The following FAM234A variants were observed in gnomAD, a reference collection of about 807,000 sequenced individuals.
The protein encoded by FAM234A is family with sequence similarity 234 member A, also known as protein FAM234A.
A neutral mutation model predicts 49.1 loss-of-function variants in FAM234A; 42 were observed. The ratio of observed to expected loss-of-function variants is 0.86; its 90% confidence interval spans 0.67 to 1.11. The LOEUF (loss-of-function observed/expected upper bound fraction) is 1.11. FAM234A is among the 50% of genes least tolerant of loss of function. FAM234A has a pLI of 0.00. For synonymous variants in FAM234A, 369 were observed against 316.2 expected (o/e 1.17, Z -1.77); for missense variants, 815 against 745.2 (o/e 1.09, Z -1.09).
downstream of FAM234A, chr16:269,164 G>A: frequency 1.0e-6 from 1 of 971,958 alleles, no homozygotes; most frequent in Non-Finnish European, 1.6e-6. Context: ...GGACACTGGT[G>A]CTGGGTTCAG....
chr16:239,721 A>T (rs1025849658), intron 1 of FAM234A, among the ~76,000 whole-genome samples: 1 of 152,148 alleles, frequency 6.6e-6, no homozygotes, highest in Non-Finnish European at 1.5e-5. Flanking sequence ...GACAGACTAC[A>T]AAACTTATTC....
intron 1 of FAM234A, among the ~76,000 whole-genome samples, chr16:241,810 G>C (rs577593743): frequency 6.6e-6 from 1 of 151,618 alleles, no homozygotes; most frequent in African/African-American, 2.4e-5. Context: ...CCAGCTACTG[G>C]GGAGGCTGAG....
chr16:264,589 G>A, intron 11 of FAM234A, 25 bp from the exon 12 acceptor site: 3 of 1,492,416 alleles, frequency 2.0e-6, no homozygotes, highest in Non-Finnish European at 2.8e-6. Flanking sequence ...AAGGGCGTGG[G>A]GCCCATTGCT....
In FAM234A at chr16:265,976, T is replaced by C. The variant is rs1351801165; in HGVS notation, c.*954T>C. 3 of 985,896 alleles carry C rather than the reference T, an allele frequency of 3.0e-6. No homozygotes were observed. The highest frequency in any genetic ancestry group is 2.3e-4 in the East Asian group (2 of 8,832). The allele number at this position is 985,896 out of a possible 1,614,324, so 61.1% of individuals were successfully genotyped here. On this transcript the variant is annotated 3_prime_UTR_variant, in exon 13 of 13. Transcript: ENST00000399932. ...TGCTCCTGAGGCCCAAGGGCAGCCA[T>C]GGTGCTCTGTACTGCTCGGGCCGCC... is the stretch of plus-strand genomic sequence containing the variant.
intron 5 of FAM234A, chr16:260,647 C>T (rs544668624): frequency 4.0e-5 from 19 of 472,512 alleles, no homozygotes; most frequent in Admixed American, 3.1e-4. Flanking sequence ...GCGTGGTGCA[C>T]GGGGCCATGT....
chr16:269,347 G>A, downstream of FAM234A: 1 of 1,603,488 alleles, frequency 6.2e-7, no homozygotes, highest in South Asian at 1.1e-5. Flanking sequence ...CAGGGCTGGG[G>A]CTCGAGTGCC....
At chr16:264,581 G>A in intron 11 of FAM234A, 33 bp from the exon 12 acceptor site, 1 of 1,425,676 alleles carries the variant, frequency 7.0e-7, no homozygotes, top group Non-Finnish European at 9.9e-7. Flanking sequence ...GCTCAGTGAA[G>A]GGCGTGGGGC....
intron 2 of FAM234A, among the ~76,000 whole-genome samples, chr16:251,542 T>G: frequency 6.6e-6 from 1 of 151,956 alleles, no homozygotes; most frequent in Non-Finnish European, 1.5e-5. Context: ...ACCCAACTAA[T>G]TTTTTTGGTA....
Position 260,130 on chromosome 16 carries a change from A to AGTTCTTTCATTGCAGTCAACTT in FAM234A, c.552_573dup (p.Thr192PhefsTer34), listed in dbSNP as rs760574572. On this transcript the variant is annotated frameshift_variant, in exon 5 of 13. Coordinates refer to ENST00000399932, the MANE Select transcript of FAM234A (RefSeq NM_032039.4). LOFTEE classifies it high-confidence loss of function. ...TGCCTGCATCCTGGTGGGCAGACCCAGTTCTTTCATTGCAGTCAACTTGTT... is the reference window on the plus strand; with the variant it reads ...TGCCTGCATCCTGGTGGGCAGACCCAGTTCTTTCATTGCAGTCAACTTGTTCTTTCATTGCAGTCAACTTGTT... The AGTTCTTTCATTGCAGTCAACTT allele has an allele frequency of 1.9e-6, 3 of 1,613,710 alleles. No individual in the cohort carries two copies. The Admixed American group carries it at 5.0e-5, about 27-fold the overall frequency.
At chr16:267,032 G>A (rs1410562293), downstream of FAM234A, among the ~76,000 whole-genome samples, 1 of 152,102 alleles carries the variant, frequency 6.6e-6, no homozygotes, top group African/African-American at 2.4e-5. Flanking sequence ...GCCAAGGGGT[G>A]CCATTGCTGG....
At chr16:256,815 T>C (rs1456054718) in intron 3 of FAM234A, among the ~76,000 whole-genome samples, 1 of 150,874 alleles carries the variant, frequency 6.6e-6, no homozygotes, top group Non-Finnish European at 1.5e-5. Context: ...TGATCTCAGC[T>C]CACCGTAATC....
Position 259,463 on chromosome 16 carries a change from TC to T in FAM234A, c.269-19del. On this transcript the variant is annotated intron_variant, in intron 3 of 12. Transcript: ENST00000399932. ...ACCAGGCATGGCCCGCGGAGTATAG[TC>T]TGTGGTTTTCTCTTTCAGTTATCTA... 7.2e-7 allele frequency: 1 copy of T among 1,380,186 alleles called. No homozygotes were observed. The highest frequency in any genetic ancestry group is 1.0e-6 in the Non-Finnish European group (1 of 967,188). The allele number at this position is 1,380,186 out of a possible 1,614,324, so 85.5% of individuals were successfully genotyped here.
intron 2 of FAM234A, among the ~76,000 whole-genome samples, chr16:252,364 T>G (rs1392069483): frequency 6.6e-6 from 1 of 151,946 alleles, no homozygotes; most frequent in Admixed American, 6.6e-5. Context: ...GTATTTTTAG[T>G]AGAGATGCGG....
intron 1 of FAM234A, among the ~76,000 whole-genome samples, chr16:237,844 C>T (rs1180038890): frequency 6.6e-6 from 1 of 151,204 alleles, no homozygotes; most frequent in Non-Finnish European, 1.5e-5. Context: ...GCTGGGACTA[C>T]AAGCACGTAC....
chr16:239,959 A>T lies in FAM234A; in HGVS notation c.-140+5102A>T, dbSNP rs1448979149. ...TTATGGGCCTGTTCTTTGTCTTGAGATTATTCTTGGTGGAGAGAGAAATAG... is the reference window on the plus strand; with the variant it reads ...TTATGGGCCTGTTCTTTGTCTTGAGTTTATTCTTGGTGGAGAGAGAAATAG... On this transcript the variant is annotated intron_variant, in intron 1 of 12. Transcript: ENST00000399932. 2.0e-5 allele frequency among the ~76,000 whole-genome samples: 3 copies of T among 152,130 alleles called. No homozygotes were observed. The East Asian group carries it at 5.8e-4, about 29-fold the overall frequency.
Position 265,899 on chromosome 16 carries a change from C to T in FAM234A, c.*877C>T. On this transcript the variant is annotated 3_prime_UTR_variant, in exon 13 of 13. Coordinates refer to ENST00000399932, the MANE Select transcript of FAM234A (RefSeq NM_032039.4). The stretch of plus-strand genomic sequence containing the variant: ...AGCGCCTGCCTCTCCCCTTCCGGTG[C>T]TCACACGCCCACGCCGTGCCACCCG... The T allele has an allele frequency of 1.0e-6, 1 of 986,486 alleles. No homozygotes were observed. Among genetic ancestry groups the T allele is most frequent in the Non-Finnish European group, 1.2e-6 (1 of 830,540 alleles). The allele number at this position is 986,486 out of a possible 1,614,324, so 61.1% of individuals were successfully genotyped here.
At position 263,704 on chromosome 16, in the gene FAM234A, C is replaced by T. The variant is rs2051575897; in HGVS notation, c.1117C>T (p.Pro373Ser). 6.2e-7 allele frequency: 1 copy of T among 1,613,464 alleles called. No homozygotes were observed. Among genetic ancestry groups the T allele is most frequent in the Non-Finnish European group, 8.5e-7 (1 of 1,179,422 alleles). The change falls in exon 10 of 13, where the codon CCC becomes TCC. Residue 373 changes from proline to serine, a missense_variant. By Grantham distance (74) the Pro-to-Ser change is moderately conservative (BLOSUM62 -1). Coordinates refer to ENST00000399932, the MANE Select transcript of FAM234A (RefSeq NM_032039.4). ...TPKAAHVLRKPIFGRYKPDTL... is the reference protein window; with the variant it reads ...TPKAAHVLRKSIFGRYKPDTL... ...GCTTCCTCCATATTGTTCCAGAAAA[C>T]CCATCTTCGGCCGCTACAAACCAGA...
intron 1 of FAM234A, among the ~76,000 whole-genome samples, chr16:235,503 T>A (rs1012672044): frequency 1.3e-5 from 2 of 152,170 alleles, no homozygotes; most frequent in African/African-American, 2.4e-5. Flanking sequence ...CCGAGAGTTG[T>A]CAAGGAGAGA....
At chr16:268,995 C>T (rs1368457198), downstream of FAM234A, 19 of 1,486,988 alleles carry the variant, frequency 1.3e-5, no homozygotes, top group Non-Finnish European at 1.7e-5. Context: ...CTTGGTCTCA[C>T]CTCTCTTCAG....
Sources: gnomAD v4.1 joint callset for allele counts (sites outside exome capture counted in the v4.1 genomes callset) on GRCh38, gnomAD v4.1.1 for gene constraint, MANE v1.5 for transcripts, NCBI Gene and HGNC (gene_info 2026-07-23, HGNC 2026-07-21) for gene names.